The following KCND3 variants were observed in gnomAD, a reference collection of about 807,000 sequenced individuals.
The protein encoded by KCND3 is A-type voltage-gated potassium channel KCND3.
In KCND3, 9 loss-of-function variants were observed where a neutral mutation model predicts 51.1. The ratio of observed to expected loss-of-function variants is 0.18; its 90% CI spans 0.11 to 0.31. The LOEUF (loss-of-function observed/expected upper bound fraction) is 0.31, where lower values mean the gene tolerates loss of function less well. Among genes scored for constraint, KCND3 ranks in the 10% least tolerant of loss-of-function variants. The pLI, the probability that KCND3 is intolerant of heterozygous loss-of-function variation, is 1.00. For synonymous variants in KCND3, 349 were observed against 368.0 expected, an observed-to-expected ratio of 0.95 and a Z score of 0.59; for missense variants, 526 against 903.8, an observed-to-expected ratio of 0.58 and a Z score of 5.36.
At chr1:111,782,213 AG>A (rs1664418777) in intron 3 of KCND3, among the ~76,000 whole-genome samples, 1 of 152,186 alleles carries the variant, frequency 6.6e-6, no homozygotes. Context: ...CCACAGTCTC[AG>A]GGGTTCAGGT....
intron 2 of KCND3, among the ~76,000 whole-genome samples, chr1:111,912,772 T>C (rs1571841190): frequency 1.3e-5 from 2 of 152,274 alleles, no homozygotes; most frequent in East Asian, 3.9e-4. Flanking sequence ...TTTTTTAAAA[T>C]AGAAAAACTT....
intron 2 of KCND3, among the ~76,000 whole-genome samples, chr1:111,894,306 C>T (rs1211009877): frequency 1.3e-5 from 2 of 152,184 alleles, no homozygotes; most frequent in Non-Finnish European, 2.9e-5. Context: ...CCCTAGAATG[C>T]TCTTTTCCTG....
At position 111,958,546 on chromosome 1, in the gene KCND3, A is replaced by G. The variant is rs184174585; in HGVS notation, c.1106+23075T>C. On this transcript the variant is annotated intron_variant, in intron 2 of 7. Coordinates refer to ENST00000302127, the MANE Select transcript of KCND3 (RefSeq NM_001378969.1). ...GCGGCTAGAAACAGGAAAATTAAGT[A>G]GAATCGAAATTGGTGAAATAAAACA... Among the ~76,000 whole-genome samples, 531 of 152,372 alleles carry G rather than the reference A, an allele frequency of 3.5e-3. 13 individuals are homozygous for G. The highest frequency in any genetic ancestry group is 1.3e-3 in the Non-Finnish European group (90 of 68,024).
chr1:111,931,367 T>C (rs1671961350), intron 2 of KCND3, among the ~76,000 whole-genome samples: 1 of 152,026 alleles, frequency 6.6e-6, no homozygotes, highest in African/African-American at 2.4e-5. Flanking sequence ...AATAAACAAA[T>C]GAAACCAACA....
intron 2 of KCND3, among the ~76,000 whole-genome samples, chr1:111,793,833 T>C (rs1664944845): frequency 6.6e-6 from 1 of 150,572 alleles, no homozygotes; most frequent in Non-Finnish European, 1.5e-5. Flanking sequence ...AGTCATGGCT[T>C]AGAAAAAAAA....
intron 2 of KCND3, among the ~76,000 whole-genome samples, chr1:111,954,778 T>A (rs1673240223): frequency 6.6e-6 from 1 of 152,238 alleles, no homozygotes; most frequent in Non-Finnish European, 1.5e-5. Flanking sequence ...AATTCCGTCT[T>A]TCTCCTCTGG....
chr1:111,882,567 T>C (rs1472322841), intron 2 of KCND3, among the ~76,000 whole-genome samples: 3 of 151,806 alleles, frequency 2.0e-5, no homozygotes, highest in Non-Finnish European at 4.4e-5. Context: ...AGGGTGTGAG[T>C]GAAGGCTGGG....
intron 2 of KCND3, among the ~76,000 whole-genome samples, chr1:111,814,212 A>G (rs1051311503): frequency 2.0e-5 from 3 of 151,140 alleles, no homozygotes; most frequent in Non-Finnish European, 4.4e-5. Flanking sequence ...GGGTCCAGAA[A>G]GGTGAAACAC....
intron 2 of KCND3, among the ~76,000 whole-genome samples, chr1:111,871,101 G>A (rs1571772067): frequency 6.6e-6 from 1 of 152,286 alleles, no homozygotes; most frequent in South Asian, 2.1e-4. Context: ...GATATCAGAG[G>A]GTTGTGGTGA....
At chr1:111,815,014 G>T (rs1042164065) in intron 2 of KCND3, among the ~76,000 whole-genome samples, 2 of 152,236 alleles carry the variant, frequency 1.3e-5, no homozygotes, top group East Asian at 1.9e-4. Flanking sequence ...AAAGCAATGG[G>T]CCCTTGCTCT....
At chr1:111,939,304 CAT>C (rs571105427) in intron 2 of KCND3, among the ~76,000 whole-genome samples, 60 of 152,194 alleles carry the variant, frequency 3.9e-4, no homozygotes, top group Non-Finnish European at 7.6e-4. Flanking sequence ...TAGGTATACA[CAT>C]GTCATGGTGG....
chr1:111,906,298 G>A (rs993010994), intron 2 of KCND3, among the ~76,000 whole-genome samples: 3 of 152,130 alleles, frequency 2.0e-5, no homozygotes, highest in African/African-American at 4.8e-5. Flanking sequence ...GAACACGCCC[G>A]AACATCTGCA....
chr1:111,865,039 ACC>A (rs1668494442), intron 2 of KCND3, among the ~76,000 whole-genome samples: 1 of 152,196 alleles, frequency 6.6e-6, no homozygotes, highest in Non-Finnish European at 1.5e-5. Context: ...ACATTCGGCA[ACC>A]CAATCTTCAT....
At chr1:111,845,985 C>T (rs894390614) in intron 2 of KCND3, among the ~76,000 whole-genome samples, 1 of 152,124 alleles carries the variant, frequency 6.6e-6, no homozygotes, top group Non-Finnish European at 1.5e-5. Context: ...CCAGTGAGTC[C>T]CCATATCCTT....
chr1:111,846,983 G>A lies in KCND3; in HGVS notation c.1107-59877C>T, dbSNP rs149830512. Among the ~76,000 whole-genome samples the A allele has an allele frequency of 9.5e-3, 1,451 of 152,258 alleles. 30 individuals are homozygous for A. The highest frequency in any genetic ancestry group is 0.033 in the African/African-American group (1,377 of 41,542). On this transcript the variant is annotated intron_variant, in intron 2 of 7. Coordinates refer to ENST00000302127, the MANE Select transcript of KCND3 (RefSeq NM_001378969.1). ...CTGTGAGCCACCCGAGGGCAGAGAC[G>A]GCACCTTTTGCTTCCATATTCTCAG...
chr1:111,771,173 G>GA lies in KCND3; in HGVS notation c.*4903dup, dbSNP rs1384643972. On this transcript the variant is annotated 3_prime_UTR_variant, in exon 8 of 8. Coordinates refer to ENST00000302127, the MANE Select transcript of KCND3 (RefSeq NM_001378969.1). ...AGATAAATGTCATTCCCACACTTGA[G>GA]AAAAAACACAGAACATTCTGAATAG... 6.6e-6 allele frequency: 1 copy of GA among 152,066 alleles called. No individual in the cohort carries two copies. Among genetic ancestry groups the GA allele is most frequent in the African/African-American group, 2.4e-5 (1 of 41,398 alleles). The allele number at this position is 152,066 out of a possible 1,614,324, so 9.4% of individuals were successfully genotyped here.
intron 2 of KCND3, among the ~76,000 whole-genome samples, chr1:111,876,325 C>T (rs1229833286): frequency 1.3e-5 from 2 of 151,838 alleles, no homozygotes; most frequent in Admixed American, 6.6e-5. Context: ...CAAGACAAAC[C>T]CTGTGATGGG....
At chr1:111,895,239 T>G in intron 2 of KCND3, among the ~76,000 whole-genome samples, 1 of 149,798 alleles carries the variant, frequency 6.7e-6, no homozygotes, top group African/African-American at 2.5e-5. Flanking sequence ...GAAGGATGAT[T>G]CTACCTCAGC....
chr1:111,872,303 T>C (rs894067350), intron 2 of KCND3, among the ~76,000 whole-genome samples: 1 of 152,214 alleles, frequency 6.6e-6, no homozygotes, highest in Admixed American at 6.5e-5. Context: ...AGAAAAGTGC[T>C]CTGAGGTTAA....
Sources: gnomAD v4.1 joint callset for allele counts (sites outside exome capture counted in the v4.1 genomes callset) on GRCh38, gnomAD v4.1.1 for gene constraint, MANE v1.5 for transcripts, NCBI Gene and HGNC (gene_info 2026-07-23, HGNC 2026-07-21) for gene names.